The following MEIS3 variants were observed in gnomAD, a reference collection of about 807,000 sequenced individuals.
The protein encoded by MEIS3 is Meis homeobox 3.
A neutral mutation model predicts 51.4 loss-of-function variants in MEIS3; 38 were observed. The ratio of observed to expected loss-of-function variants is 0.74; its 90% CI spans 0.57 to 0.97. The LOEUF (loss-of-function observed/expected upper bound fraction) is 0.97. Among genes scored for constraint, MEIS3 ranks in the 50% least tolerant of loss-of-function variants. MEIS3 has a pLI of 0.00. For synonymous variants in MEIS3, 198 were observed against 201.8 expected (o/e 0.98, Z 0.16); for missense variants, 456 against 502.6 (o/e 0.91, Z 0.89).
At chr19:47,420,860 T>A (rs1426125852), upstream of MEIS3, among the ~76,000 whole-genome samples, 1 of 151,184 alleles carries the variant, frequency 6.6e-6, no homozygotes, top group African/African-American at 2.4e-5. Flanking sequence ...CCTCTGTCTG[T>A]CCATCCGTCT....
chr19:47,420,521 C>CAG (rs148696106), upstream of MEIS3, among the ~76,000 whole-genome samples: 309 of 135,132 alleles, frequency 2.3e-3, 1 homozygote, highest in South Asian at 5.3e-3. Context: ...CGGTGTGATT[C>CAG]AGAGAGAGAG....
chr19:47,407,470 C>T (rs758559578), intron 8 of MEIS3, 42 bp from the exon 9 acceptor site: 20 of 1,613,616 alleles, frequency 1.2e-5, no homozygotes, highest in Admixed American at 1.2e-4. Flanking sequence ...CCTGGCCGGC[C>T]GCAGTCTGAA....
chr19:47,411,086 G>A (rs1015454279), intron 6 of MEIS3, among the ~76,000 whole-genome samples: 12 of 152,162 alleles, frequency 7.9e-5, no homozygotes, highest in African/African-American at 2.9e-4. Context: ...ACAGGTGCCT[G>A]CCACCACACC....
chr19:47,420,940 A>ACACACCCTCT (rs1187725467), upstream of MEIS3, among the ~76,000 whole-genome samples: 3 of 90,970 alleles, frequency 3.3e-5, no homozygotes, highest in Non-Finnish European at 6.3e-5. Flanking sequence ...ACACACACAC[A>ACACACCCTCT]CTCTCTCTCT....
At chr19:47,416,543 A>G (rs902724342) in intron 4 of MEIS3, 109 bp downstream of exon 4, 3 of 861,982 alleles carry the variant, frequency 3.5e-6, no homozygotes, top group East Asian at 5.4e-5. Context: ...GTTTGGGGAC[A>G]TGGACCAGGT....
At chr19:47,406,398 G>T in intron 12 of MEIS3, 62 bp downstream of exon 12, 1 of 1,443,006 alleles carries the variant, frequency 6.9e-7, no homozygotes, top group Non-Finnish European at 9.7e-7. Context: ...CCCACTCTTG[G>T]AGTCCTGAGG....
rs1360714354 is a variant in MEIS3 at position 47,416,863 on chromosome 19, C to T, written c.286G>A (p.Gly96Arg). 6.2e-7 allele frequency: 1 copy of T among 1,614,016 alleles called. No individual in the cohort carries two copies. The highest frequency in any genetic ancestry group is 8.5e-7 in the Non-Finnish European group (1 of 1,180,002). The part of the protein sequence containing the change: ...GAGAGLGTPP[G>R]GDVCSSDSFN... ...GAATCAGAGGAGCAGACGTCACCTC[C>T]AGGGGGTGTCCCCAGCCCAGCTCCG... The change falls in exon 3 of 13, where the codon GGA becomes AGA. Residue 96 changes from glycine (G) to arginine (R), a missense_variant. By Grantham distance (125) the Gly-to-Arg change is moderately radical. Coordinates refer to ENST00000558555, the MANE Select transcript of MEIS3 (RefSeq NM_001301059.2).
intron 12 of MEIS3, 188 bp downstream of exon 12, chr19:47,406,272 A>AGGATGGAT (rs140024451): frequency 6.0e-5 from 31 of 513,830 alleles, no homozygotes; most frequent in East Asian, 3.2e-4. Context: ...ATGGAGGAGG[A>AGGATGGAT]GGATGGATGG....
chr19:47,403,956 C>A (rs868102314), intron 12 of MEIS3, among the ~76,000 whole-genome samples: 3 of 152,066 alleles, frequency 2.0e-5, no homozygotes, highest in Non-Finnish European at 4.4e-5. Context: ...AACCCCAACA[C>A]TTTGGGAGGC....
chr19:47,421,643 G>A (rs1971717492), upstream of MEIS3, among the ~76,000 whole-genome samples: 1 of 151,954 alleles, frequency 6.6e-6, no homozygotes, highest in Non-Finnish European at 1.5e-5. Flanking sequence ...GGAGGGTGGG[G>A]GAAGAAGGGA....
intron 3 of MEIS3, 44 bp downstream of exon 3, chr19:47,416,760 C>T (rs371897759): frequency 1.4e-4 from 222 of 1,612,656 alleles, no homozygotes; most frequent in Non-Finnish European, 1.7e-4. Flanking sequence ...CACCCCTCCT[C>T]GCTGGCTCTC....
chr19:47,414,902 A>T (rs892576978), intron 5 of MEIS3, 36 bp from the exon 6 acceptor site: 13 of 972,316 alleles, frequency 1.3e-5, no homozygotes, highest in African/African-American at 1.3e-4. Flanking sequence ...GGGGCCACCC[A>T]CGGGGGCAGG....
rs748224833 is a variant in MEIS3, at chr19:47,407,103, T to C, written c.970A>G (p.Met324Val). The change falls in exon 10 of 13, where the codon ATG (methionine) becomes GTG (valine). Residue 324 changes from methionine (M) to valine (V), a missense_variant. Met to Val is a conservative substitution (Grantham distance 21). Coordinates refer to ENST00000558555, the MANE Select transcript of MEIS3 (RefSeq NM_001301059.2). ...CCTGTGCGGTTGGATTGATCGATCATAGGTTGCACGATGCGTCTCCGGGCG... is the reference window on the plus strand; with the variant it reads ...CCTGTGCGGTTGGATTGATCGATCACAGGTTGCACGATGCGTCTCCGGGCG... ...INARRRIVQP[M>V]IDQSNRTGQG... The C allele has an allele frequency of 1.2e-6, 2 of 1,611,188 alleles. No homozygotes were observed. The highest frequency in any genetic ancestry group is 1.3e-5 in the African/African-American group (1 of 74,880).
At position 47,416,639 on chromosome 19, in the gene MEIS3, G is replaced by A. The variant is rs1347139459; in HGVS notation, c.396+13C>T. On this transcript the variant is annotated intron_variant, in intron 4 of 12. Transcript: ENST00000558555. ...ATTGGAGGAGGGGGTGTGGGGGAGG[G>A]CTCGGGTCTCACCAGATTGTCCAGT... 4.6e-6 allele frequency: 7 copies of A among 1,520,708 alleles called. No individual in the cohort carries two copies. Among genetic ancestry groups the A allele is most frequent in the Non-Finnish European group, 6.2e-6 (7 of 1,129,396 alleles). 94.2% of individuals were successfully genotyped at this position (1,520,708 alleles called of 1,614,324 possible).
chr19:47,420,910 TCACA>T (rs796578167), upstream of MEIS3, among the ~76,000 whole-genome samples: 978 of 70,756 alleles, frequency 0.014, 24 homozygotes, highest in African/African-American at 0.028. Flanking sequence ...TCTCTCTCTC[TCACA>T]CACACACACA....
chr19:47,421,862 CT>C (rs375808312), upstream of MEIS3, among the ~76,000 whole-genome samples: 19 of 151,570 alleles, frequency 1.3e-4, no homozygotes, highest in Middle Eastern at 3.4e-3. Flanking sequence ...GGGCCTCTGT[CT>C]CTTCTCCCTC....
chr19:47,417,197 C>G lies in MEIS3; in HGVS notation c.166G>C (p.Glu56Gln), dbSNP rs757491586. The G allele has an allele frequency of 2.6e-6, 4 of 1,559,132 alleles. No homozygotes were observed. The highest frequency in any genetic ancestry group is 2.2e-5 in the East Asian group (1 of 44,516). ...ACTCACCCATAGATCTCATCCTTCT[C>G]CCTCTTCAGGCCGTCGCTGTCCAAG... Reference protein sequence around the residue: ...PGLDSDGLKREKDEIYGHPLF... With the variant: ...PGLDSDGLKRQKDEIYGHPLF... The change falls in exon 2 of 13, where the codon GAG (glutamate) becomes CAG (glutamine). Residue 56 changes from glutamate to glutamine, a missense_variant. Transcript: ENST00000558555.
In MEIS3 at chr19:47,414,843, G is replaced by C. The variant is rs746220665; in HGVS notation, c.471C>G (p.Phe157Leu). The C allele has an allele frequency of 3.7e-6, 6 of 1,601,270 alleles. No homozygotes were observed. In the Admixed American group the frequency reaches 6.7e-5, roughly 18 times the overall value. Reference sequence around the variant, plus strand: ...TGAGGCAGGTGATGTAGCGGTGACAGAAGTTGTCGCACAGGTCGTGGACCT... The same window carrying C: ...TGAGGCAGGTGATGTAGCGGTGACACAAGTTGTCGCACAGGTCGTGGACCT... ...LEKVHDLCDN[F>L]CHRYITCLKG... The change falls in exon 6 of 13, where the codon TTC (phenylalanine) becomes TTG (leucine). Residue 157 changes from phenylalanine (F) to leucine (L), a missense_variant. Phe to Leu is a conservative substitution (Grantham distance 22). Transcript: ENST00000558555.
chr19:47,412,735 G>GT (rs545332157), intron 6 of MEIS3, among the ~76,000 whole-genome samples: 16 of 151,744 alleles, frequency 1.1e-4, no homozygotes, highest in South Asian at 4.2e-4. Flanking sequence ...CTAATTTTTT[G>GT]TTTTTTTTAT....
Sources: gnomAD v4.1 joint callset for allele counts (sites outside exome capture counted in the v4.1 genomes callset) on GRCh38, gnomAD v4.1.1 for gene constraint, MANE v1.5 for transcripts, NCBI Gene and HGNC (gene_info 2026-07-23, HGNC 2026-07-21) for gene names.